The following PKNOX2 variants were observed in gnomAD, a reference collection of about 807,000 sequenced individuals.
PKNOX2 encodes the protein homeobox protein PKNOX2.
In PKNOX2, 14 loss-of-function variants were observed where a neutral mutation model predicts 53.1. That is an observed-to-expected ratio of 0.26 (90% CI 0.17 to 0.41). The LOEUF is 0.41. PKNOX2 is among the 10% of genes least tolerant of loss of function. PKNOX2 has a pLI of 1.00. For missense variants in PKNOX2, 496 were observed against 602.8 expected (o/e 0.82, Z 1.85); for synonymous variants, 257 against 242.8 (o/e 1.06, Z -0.54).
At chr11:125,211,214 T>A (rs1286078832) in intron 1 of PKNOX2, among the ~76,000 whole-genome samples, 1 of 152,118 alleles carries the variant, frequency 6.6e-6, no homozygotes, top group Non-Finnish European at 1.5e-5. Flanking sequence ...CAGAGACCCC[T>A]CACAGACTTC....
intron 2 of PKNOX2, among the ~76,000 whole-genome samples, chr11:125,294,228 C>G (rs1011746375): frequency 6.6e-6 from 1 of 152,058 alleles, no homozygotes; most frequent in Non-Finnish European, 1.5e-5. Context: ...TTAAGGAAGC[C>G]ATTGTTATTG....
intron 10 of PKNOX2, among the ~76,000 whole-genome samples, chr11:125,426,780 C>T (rs374140899): frequency 1.3e-5 from 2 of 152,230 alleles, no homozygotes; most frequent in African/African-American, 4.8e-5. Flanking sequence ...AGATGGGGTC[C>T]CTGCCTGAGA....
rs1954935038 is a variant in PKNOX2 at position 125,404,294 on chromosome 11, C to T, written c.589-5902C>T. On this transcript the variant is annotated intron_variant, in intron 7 of 12. Transcript: ENST00000298282. ...CCCAGAGACCAGAGGGTGGCCTTTG[C>T]CGCCAGGCTAGTGAAACCTGAGCGC... 2.0e-5 allele frequency among the ~76,000 whole-genome samples: 3 copies of T among 152,362 alleles called. No individual in the cohort carries two copies. The South Asian group carries it at 6.2e-4, about 32-fold the overall frequency.
At chr11:125,234,574 G>T (rs1200614660) in intron 1 of PKNOX2, among the ~76,000 whole-genome samples, 1 of 152,106 alleles carries the variant, frequency 6.6e-6, no homozygotes, top group African/African-American at 2.4e-5. Flanking sequence ...TAGACAACAG[G>T]GTCAGCGTTG....
At chr11:125,179,514 C>G (rs1300023206) in intron 1 of PKNOX2, among the ~76,000 whole-genome samples, 1 of 88,842 alleles carries the variant, frequency 1.1e-5, no homozygotes, top group Non-Finnish European at 2.3e-5. Context: ...GAGTTGAAGG[C>G]CCCCCGGCAG....
rs540791487 is a variant in PKNOX2 at position 125,302,396 on chromosome 11, T to C, written c.-129-29423T>C. Among the ~76,000 whole-genome samples, 5 of 152,322 alleles carry C rather than the reference T, an allele frequency of 3.3e-5. No homozygotes were observed. The South Asian group carries it at 8.3e-4, about 25-fold the overall frequency. On this transcript the variant is annotated intron_variant, in intron 2 of 12. Transcript: ENST00000298282. ...GCCACGTCTAGTCCACGATCTGCTA[T>C]GCACACTCTCCTCTGATGCTGATGG...
intron 5 of PKNOX2, among the ~76,000 whole-genome samples, chr11:125,372,728 C>T (rs1952625861): frequency 6.6e-6 from 1 of 152,164 alleles, no homozygotes; most frequent in Admixed American, 6.5e-5. Flanking sequence ...CTCCAGAAAC[C>T]CTGCTTCAAA....
intron 7 of PKNOX2, among the ~76,000 whole-genome samples, chr11:125,406,608 G>A (rs140365996): frequency 2.1e-4 from 32 of 152,220 alleles, no homozygotes; most frequent in African/African-American, 6.0e-4. Flanking sequence ...GTCTGACCCC[G>A]AAGCACATAT....
chr11:125,363,357 G>C (rs752345909), intron 4 of PKNOX2, among the ~76,000 whole-genome samples: 9 of 152,234 alleles, frequency 5.9e-5, no homozygotes, highest in Non-Finnish European at 8.8e-5. Flanking sequence ...CCTGCAGATT[G>C]AGTATTATCT....
chr11:125,398,361 A>T (rs1954538860), intron 7 of PKNOX2, among the ~76,000 whole-genome samples: 1 of 152,218 alleles, frequency 6.6e-6, no homozygotes, highest in South Asian at 2.1e-4. Context: ...CAGAATGAGC[A>T]CCAGAGCTAA....
At chr11:125,373,604 G>A (rs73628708) in intron 5 of PKNOX2, among the ~76,000 whole-genome samples, 1,724 of 152,358 alleles carry the variant, frequency 0.011, 38 homozygotes, top group African/African-American at 0.037. Flanking sequence ...ATTGGTGTCA[G>A]GCAGGAGCTT....
chr11:125,410,385 C>A, intron 8 of PKNOX2, 60 bp downstream of exon 8: 2 of 1,602,570 alleles, frequency 1.2e-6, no homozygotes, highest in Non-Finnish European at 1.7e-6. Context: ...AAAGGGTGGC[C>A]CCGAGGCGGT....
intron 3 of PKNOX2, among the ~76,000 whole-genome samples, chr11:125,338,728 C>T (rs1950540525): frequency 6.6e-6 from 1 of 152,188 alleles, no homozygotes; most frequent in African/African-American, 2.4e-5. Flanking sequence ...CCCTGAGGAC[C>T]AGAGTCCACT....
chr11:125,216,758 CTG>C lies in PKNOX2; in HGVS notation c.-200-18285_-200-18284del, dbSNP rs1483332170. On this transcript the variant is annotated intron_variant, in intron 1 of 12. Coordinates refer to ENST00000298282, the MANE Select transcript of PKNOX2 (RefSeq NM_001382323.2). Reference sequence around the variant, plus strand: ...CCTCCCTCCTCCCTCCTCCCCTCCACTGTCCCTTCAGCAGTCTGGCCAGGTCA... The same window carrying C: ...CCTCCCTCCTCCCTCCTCCCCTCCACTCCCTTCAGCAGTCTGGCCAGGTCA... Among the ~76,000 whole-genome samples, 4 of 152,314 alleles carry C rather than the reference CTG, an allele frequency of 2.6e-5. No homozygotes were observed. In the East Asian group the frequency reaches 7.7e-4, roughly 29 times the overall value.
At chr11:125,217,172 G>A (rs1213228278) in intron 1 of PKNOX2, among the ~76,000 whole-genome samples, 1 of 152,042 alleles carries the variant, frequency 6.6e-6, no homozygotes, top group Middle Eastern at 3.2e-3. Flanking sequence ...ACAGCACGCT[G>A]GTGATATGAG....
intron 2 of PKNOX2, among the ~76,000 whole-genome samples, chr11:125,329,310 G>A (rs1422749320): frequency 6.6e-6 from 1 of 152,156 alleles, no homozygotes; most frequent in African/African-American, 2.4e-5. Flanking sequence ...GCTTATATTT[G>A]TATTGTAGGA....
chr11:125,238,519 C>G (rs565009520), intron 2 of PKNOX2, among the ~76,000 whole-genome samples: 1 of 152,320 alleles, frequency 6.6e-6, no homozygotes, highest in African/African-American at 2.4e-5. Flanking sequence ...CAACTAAGGA[C>G]TCTCTATTCT....
chr11:125,204,712 A>G (rs1285176641), intron 1 of PKNOX2, among the ~76,000 whole-genome samples: 1 of 152,084 alleles, frequency 6.6e-6, no homozygotes, highest in Non-Finnish European at 1.5e-5. Flanking sequence ...TCTTTGCAAC[A>G]TTCTAAGGTT....
intron 2 of PKNOX2, among the ~76,000 whole-genome samples, chr11:125,236,116 G>T (rs1363725604): frequency 6.6e-6 from 1 of 152,246 alleles, no homozygotes; most frequent in Non-Finnish European, 1.5e-5. Flanking sequence ...TAGATTGACT[G>T]TAATGAGTAT....
Sources: gnomAD v4.1 joint callset for allele counts (sites outside exome capture counted in the v4.1 genomes callset) on GRCh38, gnomAD v4.1.1 for gene constraint, MANE v1.5 for transcripts, NCBI Gene and HGNC (gene_info 2026-07-23, HGNC 2026-07-21) for gene names.